Variants in SLC39A11 observed in about 807,000 individuals in gnomAD.
The protein encoded by SLC39A11 is zinc transporter ZIP11.
SLC39A11 carries 33 observed loss-of-function variants against 36.1 expected under a neutral mutation model. That is an observed-to-expected ratio of 0.91 (90% CI 0.69 to 1.22). The LOEUF (loss-of-function observed/expected upper bound fraction) is 1.22, where lower values mean the gene tolerates loss of function less well. Among genes scored for constraint, SLC39A11 ranks in the 50% most tolerant of loss-of-function variants. The probability of loss-of-function intolerance (pLI) is 0.00; values close to 1 mark genes in which losing one functional copy is unlikely to be tolerated. For missense variants in SLC39A11, 432 were observed against 430.3 expected (o/e 1.00, Z -0.03); for synonymous variants, 166 against 170.3 (o/e 0.97, Z 0.20).
At chr17:72,666,681 T>C (rs75573684) in intron 7 of SLC39A11, among the ~76,000 whole-genome samples, 1,703 of 152,278 alleles carry the variant, frequency 0.011, 18 homozygotes, top group Non-Finnish European at 0.018. Context: ...TCCTCTTCCT[T>C]CAGGGAGAGT....
At chr17:73,023,708 C>A (rs1054503010) in intron 4 of SLC39A11, among the ~76,000 whole-genome samples, 4 of 152,188 alleles carry the variant, frequency 2.6e-5, no homozygotes, top group African/African-American at 9.7e-5. Flanking sequence ...CCAGGCTGGT[C>A]TCGATCTCCT....
intron 7 of SLC39A11, among the ~76,000 whole-genome samples, chr17:72,678,016 G>A (rs944865962): frequency 2.0e-5 from 3 of 152,114 alleles, no homozygotes; most frequent in African/African-American, 4.8e-5. Flanking sequence ...TGAGGATCTC[G>A]GAAGACAGTC....
intron 7 of SLC39A11, among the ~76,000 whole-genome samples, chr17:72,654,341 C>T (rs527263083): frequency 3.3e-5 from 5 of 152,128 alleles, no homozygotes; most frequent in South Asian, 2.1e-4. Context: ...CACTGTTGAA[C>T]GTTGCTTCAG....
intron 6 of SLC39A11, among the ~76,000 whole-genome samples, chr17:72,797,479 G>A (rs964094475): frequency 9.9e-5 from 15 of 152,034 alleles, no homozygotes; most frequent in African/African-American, 3.6e-4. Context: ...CATTAGATGA[G>A]GGCTAATTTA....
chr17:73,052,678 A>C (rs1299955845), intron 3 of SLC39A11, among the ~76,000 whole-genome samples: 1 of 152,200 alleles, frequency 6.6e-6, no homozygotes, highest in Non-Finnish European at 1.5e-5. Flanking sequence ...AAAAGTGGTT[A>C]CTACTGGAAA....
intron 7 of SLC39A11, among the ~76,000 whole-genome samples, chr17:72,720,948 C>A (rs1483912591): frequency 6.6e-6 from 1 of 152,006 alleles, no homozygotes; most frequent in Non-Finnish European, 1.5e-5. Context: ...GGAAACAAGA[C>A]CCACCCACTC....
At chr17:72,670,424 T>C (rs186846784) in intron 7 of SLC39A11, among the ~76,000 whole-genome samples, 56 of 152,074 alleles carry the variant, frequency 3.7e-4, no homozygotes, top group African/African-American at 1.3e-3. Flanking sequence ...CTCATAGTAA[T>C]CTTAGTTCTC....
chr17:73,073,585 T>A (rs964295295), intron 3 of SLC39A11: 1 of 152,128 alleles, frequency 6.6e-6, no homozygotes, highest in Non-Finnish European at 1.5e-5. Context: ...CAAGCAAACC[T>A]GCAAAGAATA....
intron 4 of SLC39A11, among the ~76,000 whole-genome samples, chr17:72,957,799 A>C (rs2086341073): frequency 6.8e-6 from 1 of 146,216 alleles, no homozygotes; most frequent in South Asian, 2.3e-4. Context: ...AGCCTGGGCG[A>C]CAAAGGGAGA....
At chr17:72,755,109 G>T (rs940974369) in intron 6 of SLC39A11, among the ~76,000 whole-genome samples, 17 of 152,204 alleles carry the variant, frequency 1.1e-4, no homozygotes, top group Admixed American at 1.0e-3. Flanking sequence ...AGCTCAGTGT[G>T]GCCCATGAAC....
chr17:73,045,605 CT>C (rs556325441), intron 3 of SLC39A11, among the ~76,000 whole-genome samples: 1 of 152,082 alleles, frequency 6.6e-6, no homozygotes, highest in Non-Finnish European at 1.5e-5. Flanking sequence ...AACGCTTAGG[CT>C]TTTTTGTTTG....
chr17:73,079,725 T>C (rs1431281341), intron 3 of SLC39A11, among the ~76,000 whole-genome samples: 1 of 152,208 alleles, frequency 6.6e-6, no homozygotes, highest in East Asian at 1.9e-4. Context: ...GCCGACGATA[T>C]GATCGTATAC....
intron 4 of SLC39A11, among the ~76,000 whole-genome samples, chr17:72,950,630 CT>C (rs2085792732): frequency 6.6e-6 from 1 of 152,114 alleles, no homozygotes; most frequent in African/African-American, 2.4e-5. Flanking sequence ...TGTCTTCTTT[CT>C]TTTTATAATG....
chr17:72,650,956 C>A (rs2069824012), intron 7 of SLC39A11, among the ~76,000 whole-genome samples: 1 of 152,156 alleles, frequency 6.6e-6, no homozygotes. Context: ...CCCAGTTTAG[C>A]ATCTGACCTC....
At chr17:72,725,959 G>T (rs62069544) in intron 7 of SLC39A11, among the ~76,000 whole-genome samples, 98 of 152,328 alleles carry the variant, frequency 6.4e-4, no homozygotes, top group Non-Finnish European at 1.0e-3. Flanking sequence ...GGGACAGTGG[G>T]ATCAAGATGT....
At position 72,704,905 on chromosome 17, in the gene SLC39A11, C is replaced by T. The variant is rs969440019; in HGVS notation, c.671+31745G>A. Among the ~76,000 whole-genome samples, 9 of 152,120 alleles carry T rather than the reference C, an allele frequency of 5.9e-5. No individual in the cohort carries two copies. The South Asian group carries it at 6.2e-4, about 10-fold the overall frequency. On this transcript the variant is annotated intron_variant, in intron 7 of 9. Transcript: ENST00000255559. ...TTCCAAGGGAGCTATTGAGAGGAGA[C>T]GGTCTATTTTGTTTGGACTTGAACC...
chr17:73,047,181 C>T (rs910146236), intron 3 of SLC39A11, among the ~76,000 whole-genome samples: 1 of 151,982 alleles, frequency 6.6e-6, no homozygotes, highest in African/African-American at 2.4e-5. Context: ...CCCGCCACCA[C>T]GCCCGGCTAA....
At chr17:72,912,982 T>C (rs1045832261) in intron 5 of SLC39A11, among the ~76,000 whole-genome samples, 3 of 152,118 alleles carry the variant, frequency 2.0e-5, no homozygotes, top group African/African-American at 7.2e-5. Flanking sequence ...GCAAAATATA[T>C]ACCATTTCTG....
chr17:73,046,297 G>A (rs142225438), intron 3 of SLC39A11, among the ~76,000 whole-genome samples: 216 of 152,160 alleles, frequency 1.4e-3, no homozygotes, highest in African/African-American at 5.0e-3. Flanking sequence ...TCCACCACTC[G>A]TGAAAATACA....
Sources: allele counts gnomAD v4.1 joint callset (sites outside exome capture counted in the v4.1 genomes callset), GRCh38; gene constraint gnomAD v4.1.1; transcripts MANE v1.5; gene names NCBI Gene and HGNC (gene_info 2026-07-23, HGNC 2026-07-21).